GRID2: variants seen among roughly 807,000 people sequenced by gnomAD.
The protein encoded by GRID2 is glutamate receptor ionotropic, delta-2.
In GRID2, 33 loss-of-function variants were observed where a neutral mutation model predicts 114.8. The ratio of observed to expected loss-of-function variants is 0.29; its 90% confidence interval spans 0.22 to 0.38. The LOEUF is 0.38. Among genes scored for constraint, GRID2 ranks in the 10% least tolerant of loss-of-function variants. GRID2 has a pLI of 1.00. For missense variants in GRID2, 1,184 were observed against 1,257.7 expected, an observed-to-expected ratio of 0.94 and a Z score of 0.89; for synonymous variants, 505 against 449.9, an observed-to-expected ratio of 1.12 and a Z score of -1.55.
chr4:92,735,477 G>T (rs1435238349), intron 2 of GRID2, among the ~76,000 whole-genome samples: 1 of 152,114 alleles, frequency 6.6e-6, no homozygotes, highest in Non-Finnish European at 1.5e-5. Flanking sequence ...ATGGTTGACA[G>T]CAGGTGACTG....
chr4:92,969,243 C>T (rs1753343033), intron 2 of GRID2, among the ~76,000 whole-genome samples: 1 of 151,400 alleles, frequency 6.6e-6, no homozygotes, highest in Non-Finnish European at 1.5e-5. Context: ...TCATGTCAAG[C>T]AGAAGTCACC....
chr4:92,768,316 A>G (rs1420541715), intron 2 of GRID2, among the ~76,000 whole-genome samples: 1 of 152,060 alleles, frequency 6.6e-6, no homozygotes, highest in Non-Finnish European at 1.5e-5. Context: ...TTGAAAAAAA[A>G]TTTTTTACTT....
chr4:92,442,990 G>A (rs1299334255), intron 1 of GRID2, among the ~76,000 whole-genome samples: 1 of 152,092 alleles, frequency 6.6e-6, no homozygotes, highest in Non-Finnish European at 1.5e-5. Context: ...GAAGAATTGG[G>A]ACCTAGCTCG....
chr4:93,324,164 G>C (rs1385229800), intron 8 of GRID2, among the ~76,000 whole-genome samples: 2 of 152,194 alleles, frequency 1.3e-5, no homozygotes, highest in East Asian at 3.9e-4. Flanking sequence ...TGTCCATTCA[G>C]TATGATATTG....
At chr4:92,465,702 T>G (rs1234099453) in intron 1 of GRID2, among the ~76,000 whole-genome samples, 1 of 152,052 alleles carries the variant, frequency 6.6e-6, no homozygotes, top group African/African-American at 2.4e-5. Flanking sequence ...AAATCCTGCT[T>G]GACATGTTCT....
At chr4:92,404,389 A>G (rs945000173) in intron 1 of GRID2, among the ~76,000 whole-genome samples, 3 of 152,146 alleles carry the variant, frequency 2.0e-5, no homozygotes, top group African/African-American at 7.2e-5. Context: ...GAAACAACAG[A>G]TGCTGGCAAG....
At chr4:93,422,333 A>AT (rs35577932) in intron 9 of GRID2, among the ~76,000 whole-genome samples, 1 of 151,972 alleles carries the variant, frequency 6.6e-6, no homozygotes, top group Admixed American at 6.5e-5. Flanking sequence ...TGTTCTTAGA[A>AT]TTTTTTTATC....
intron 1 of GRID2, among the ~76,000 whole-genome samples, chr4:92,309,484 T>G (rs1003536647): frequency 5.9e-5 from 9 of 151,914 alleles, no homozygotes; most frequent in Non-Finnish European, 1.3e-4. Flanking sequence ...TATAAAGATA[T>G]CTTTGCCATT....
chr4:93,527,704 A>G (rs1355431935), intron 13 of GRID2, among the ~76,000 whole-genome samples: 2 of 152,144 alleles, frequency 1.3e-5, no homozygotes. Context: ...TTTTAAAATT[A>G]TAAAATACAT....
intron 8 of GRID2, among the ~76,000 whole-genome samples, chr4:93,302,132 C>T (rs926173924): frequency 6.6e-6 from 1 of 152,060 alleles, no homozygotes; most frequent in Non-Finnish European, 1.5e-5. Context: ...AAAATTTGTT[C>T]TTATGTTTTT....
chr4:93,501,717 T>C (rs1048588364), intron 12 of GRID2, among the ~76,000 whole-genome samples: 4 of 152,092 alleles, frequency 2.6e-5, no homozygotes, highest in Admixed American at 2.6e-4. Context: ...AACAGGGCTA[T>C]GTTAGCATTT....
intron 2 of GRID2, among the ~76,000 whole-genome samples, chr4:92,923,397 G>C (rs1002640625): frequency 7.9e-5 from 12 of 151,932 alleles, no homozygotes; most frequent in Non-Finnish European, 1.8e-4. Flanking sequence ...TTAAAATATT[G>C]CTTTATTGTT....
chr4:92,478,785 T>C (rs540843841), intron 1 of GRID2, among the ~76,000 whole-genome samples: 1 of 152,268 alleles, frequency 6.6e-6, no homozygotes, highest in Admixed American at 6.5e-5. Context: ...CTTCCTTCTG[T>C]ACGCCTCTCC....
chr4:92,793,873 A>G (rs1410082621), intron 2 of GRID2, among the ~76,000 whole-genome samples: 4 of 151,852 alleles, frequency 2.6e-5, no homozygotes, highest in Non-Finnish European at 5.9e-5. Flanking sequence ...ACAGCTTTAA[A>G]TTGAGTGTTC....
intron 2 of GRID2, among the ~76,000 whole-genome samples, chr4:92,878,145 C>A (rs1745764489): frequency 6.6e-6 from 1 of 152,014 alleles, no homozygotes; most frequent in Non-Finnish European, 1.5e-5. Context: ...AGTTAGATAT[C>A]TACTTTCACA....
intron 2 of GRID2, among the ~76,000 whole-genome samples, chr4:92,608,342 A>C (rs1729562802): frequency 6.6e-6 from 1 of 151,844 alleles, no homozygotes; most frequent in Non-Finnish European, 1.5e-5. Context: ...CCAAAGTCTT[A>C]TTATTTCTTT....
intron 2 of GRID2, among the ~76,000 whole-genome samples, chr4:92,817,919 C>T (rs1243120175): frequency 6.6e-6 from 1 of 152,004 alleles, no homozygotes; most frequent in East Asian, 1.9e-4. Context: ...ATTTCATGTC[C>T]AAGTTTACAG....
At chr4:93,299,640 T>C (rs1754661831) in intron 8 of GRID2, among the ~76,000 whole-genome samples, 1 of 151,928 alleles carries the variant, frequency 6.6e-6, no homozygotes, top group Non-Finnish European at 1.5e-5. Flanking sequence ...ACATGGCACA[T>C]GTATACATAT....
At chr4:92,755,084 G>A (rs1348889599) in intron 2 of GRID2, among the ~76,000 whole-genome samples, 1 of 152,166 alleles carries the variant, frequency 6.6e-6, no homozygotes, top group Non-Finnish European at 1.5e-5. Context: ...GACAGTCCAT[G>A]AGCTGCAGGC....
Sources: allele counts gnomAD v4.1 joint callset (sites outside exome capture counted in the v4.1 genomes callset), GRCh38; gene constraint gnomAD v4.1.1; transcripts MANE v1.5; gene names NCBI Gene and HGNC (gene_info 2026-07-23, HGNC 2026-07-21).